Variants in GRID1 observed in about 807,000 individuals in gnomAD.
GRID1 encodes the protein glutamate receptor ionotropic, delta-1.
In GRID1, 28 loss-of-function variants were observed where a neutral mutation model predicts 98.0. The observed-to-expected ratio is 0.29, with a 90% CI of 0.21 to 0.39. The LOEUF (loss-of-function observed/expected upper bound fraction) is 0.39. Among genes scored for constraint, GRID1 ranks in the 10% least tolerant of loss-of-function variants. GRID1 has a pLI of 1.00. For missense variants in GRID1, 1,111 were observed against 1,340.5 expected (o/e 0.83, Z 2.67); for synonymous variants, 553 against 538.5 (o/e 1.03, Z -0.37).
At chr10:85,627,043 G>T (rs184005931) in intron 13 of GRID1, among the ~76,000 whole-genome samples, 2 of 152,302 alleles carry the variant, frequency 1.3e-5, no homozygotes, top group Non-Finnish European at 2.9e-5. Flanking sequence ...CAACCTAAAT[G>T]CTCAATAATT....
At chr10:85,700,376 C>A (rs1283573169) in intron 12 of GRID1, among the ~76,000 whole-genome samples, 1 of 152,182 alleles carries the variant, frequency 6.6e-6, no homozygotes, top group Non-Finnish European at 1.5e-5. Flanking sequence ...CTCATGACAA[C>A]TATGCCTTGT....
chr10:85,724,334 A>C lies in GRID1; in HGVS notation c.1858+18T>G. 6.3e-7 allele frequency: 1 copy of C among 1,595,680 alleles called. No individual in the cohort carries two copies. The highest frequency in any genetic ancestry group is 1.7e-5 in the Admixed American group (1 of 59,474). On this transcript the variant is annotated intron_variant, in intron 11 of 15. Transcript: ENST00000327946. The stretch of plus-strand genomic sequence containing the variant: ...AGGCCCCTAGAGCTATTCAATGATC[A>C]GGAAACCAGAAAGGTACCTTGCTGT...
intron 4 of GRID1, among the ~76,000 whole-genome samples, chr10:85,988,062 G>C (rs1313019109): frequency 1.3e-5 from 2 of 152,008 alleles, no homozygotes; most frequent in African/African-American, 4.8e-5. Context: ...TGAATATCTG[G>C]CATGCCCCCT....
At chr10:86,289,892 C>T (rs1370996164) in intron 2 of GRID1, among the ~76,000 whole-genome samples, 1 of 152,180 alleles carries the variant, frequency 6.6e-6, no homozygotes, top group Non-Finnish European at 1.5e-5. Context: ...CACCAAAGAC[C>T]AGACAAGCTG....
At chr10:86,269,301 C>A (rs998397523) in intron 2 of GRID1, among the ~76,000 whole-genome samples, 2 of 152,204 alleles carry the variant, frequency 1.3e-5, no homozygotes, top group Non-Finnish European at 2.9e-5. Context: ...CTGGACTGGG[C>A]AGGCTCCAGC....
Position 85,609,126 on chromosome 10 carries a change from C to T in GRID1, c.2601+4281G>A, listed in dbSNP as rs75223923. On this transcript the variant is annotated intron_variant, in intron 15 of 15. Coordinates refer to ENST00000327946, the MANE Select transcript of GRID1 (RefSeq NM_017551.3). ...GTGCCCTGGCCTTTTGACAAGCTTG[C>T]GCCTGGGAGGCAGCAGGGGTACAGA... Among the ~76,000 whole-genome samples the T allele has an allele frequency of 2.8e-4, 42 of 152,296 alleles. No homozygotes were observed. In the East Asian group the frequency reaches 5.4e-3, roughly 20 times the overall value.
At chr10:85,829,703 T>C (rs565814769) in intron 8 of GRID1, among the ~76,000 whole-genome samples, 1 of 151,952 alleles carries the variant, frequency 6.6e-6, no homozygotes, top group East Asian at 1.9e-4. Context: ...ATTCAAAATA[T>C]CCCCCAAAAG....
rs1001874393 is a variant in GRID1 at position 86,365,118 on chromosome 10, C to A, written c.80-1022G>T. ...CCGGATTCCTCACTACACCCGGAGCCGGCGCCGCAATGCTGACCGCGAGAC... is the reference window on the plus strand; with the variant it reads ...CCGGATTCCTCACTACACCCGGAGCAGGCGCCGCAATGCTGACCGCGAGAC... On this transcript the variant is annotated intron_variant, in intron 1 of 15. Transcript: ENST00000327946. This position sits in a 1 kb window ranked among gnomAD's most constrained non-coding sequence, Gnocchi z 4.8. Among the ~76,000 whole-genome samples the A allele has an allele frequency of 1.3e-5, 2 of 152,146 alleles. No homozygotes were observed. Among genetic ancestry groups the A allele is most frequent in the African/African-American group, 4.8e-5 (2 of 41,448 alleles).
At chr10:85,729,277 C>T (rs3812648) in intron 9 of GRID1, among the ~76,000 whole-genome samples, 9,121 of 152,222 alleles carry the variant, frequency 0.06, 521 homozygotes, top group African/African-American at 0.15. Context: ...ATGAGAAGTC[C>T]TTTTCTAGAG....
At chr10:85,864,700 T>C (rs1222817226) in intron 6 of GRID1, among the ~76,000 whole-genome samples, 1 of 151,962 alleles carries the variant, frequency 6.6e-6, no homozygotes, top group Non-Finnish European at 1.5e-5. Flanking sequence ...CCCTAAAAAA[T>C]AGGGATGTTA....
At chr10:85,843,898 A>G (rs1456492360) in intron 8 of GRID1, among the ~76,000 whole-genome samples, 2 of 152,044 alleles carry the variant, frequency 1.3e-5, no homozygotes, top group Non-Finnish European at 2.9e-5. Flanking sequence ...AACACTACAC[A>G]TGTAATTACC....
intron 4 of GRID1, among the ~76,000 whole-genome samples, chr10:85,933,949 G>C (rs546357672): frequency 6.6e-6 from 1 of 152,336 alleles, no homozygotes; most frequent in African/African-American, 2.4e-5. Flanking sequence ...ATTTAAAAAT[G>C]TACAGAACAG....
chr10:85,788,402 T>C (rs1590232582), intron 8 of GRID1, among the ~76,000 whole-genome samples: 1 of 152,216 alleles, frequency 6.6e-6, no homozygotes, highest in South Asian at 2.1e-4. Flanking sequence ...TTCTTTCTTA[T>C]GGTCTTGTCT....
chr10:86,296,823 ATACATAC>A (rs1375325702), intron 2 of GRID1, among the ~76,000 whole-genome samples: 4 of 147,044 alleles, frequency 2.7e-5, no homozygotes, highest in Non-Finnish European at 6.0e-5. Flanking sequence ...ACATACATAC[ATACATAC>A]ATAAAAATGA....
chr10:86,252,964 T>C (rs1846860886), intron 2 of GRID1, among the ~76,000 whole-genome samples: 1 of 152,250 alleles, frequency 6.6e-6, no homozygotes, highest in African/African-American at 2.4e-5. Flanking sequence ...CCAGGGGCTC[T>C]GGGCAGATAA....
chr10:86,207,733 G>A lies in GRID1; in HGVS notation c.236-1085C>T, dbSNP rs1310905394. Among the ~76,000 whole-genome samples, 11 of 143,088 alleles carry A rather than the reference G, an allele frequency of 7.7e-5. No homozygotes were observed. In the South Asian group the frequency reaches 2.1e-3, roughly 27 times the overall value. The allele number at this position is 143,088 out of a possible 152,430, so 93.9% of individuals were successfully genotyped here. On this transcript the variant is annotated intron_variant, in intron 2 of 15. Transcript: ENST00000327946. ...TGCAAGCTCCGCCTCCCGGGTTCAC[G>A]CCATTCTCCTGCCTCAGCCTCCCCT...
chr10:85,914,367 A>G (rs2131823183), intron 5 of GRID1, among the ~76,000 whole-genome samples: 1 of 152,368 alleles, frequency 6.6e-6, no homozygotes, highest in African/African-American at 2.4e-5. Flanking sequence ...CTTCAGGGCC[A>G]CATGGAATGC....
chr10:86,244,202 G>A (rs1333207895), intron 2 of GRID1, among the ~76,000 whole-genome samples: 6 of 152,136 alleles, frequency 3.9e-5, no homozygotes, highest in African/African-American at 1.4e-4. Flanking sequence ...TGACAACTAT[G>A]CAGAAACCCT....
chr10:86,335,777 G>A (rs1414539388), intron 2 of GRID1, among the ~76,000 whole-genome samples: 2 of 152,220 alleles, frequency 1.3e-5, no homozygotes, highest in African/African-American at 2.4e-5. Context: ...ATGGAGGGGA[G>A]AGCTGGGACA....
Sources: gnomAD v4.1 joint callset for allele counts (sites outside exome capture counted in the v4.1 genomes callset) on GRCh38, gnomAD v4.1.1 for gene constraint, Gnocchi (gnomAD v3.1) non-coding constraint, MANE v1.5 for transcripts, NCBI Gene and HGNC (gene_info 2026-07-23, HGNC 2026-07-21) for gene names.